NREP: variants seen among roughly 807,000 people sequenced by gnomAD.
NREP encodes the protein neuronal regeneration related protein, also known as neuronal regeneration-related protein.
A neutral mutation model predicts 8.6 loss-of-function variants in NREP; 5 were observed. The ratio of observed to expected loss-of-function variants is 0.58; its 90% CI spans 0.30 to 1.22. NREP has a LOEUF of 1.22. NREP is among the 50% of genes most tolerant of loss of function. The probability of loss-of-function intolerance (pLI) is 0.07; values close to 1 mark genes in which losing one functional copy is unlikely to be tolerated. For synonymous variants in NREP, 27 were observed against 28.0 expected (o/e 0.96, Z 0.11); for missense variants, 86 against 82.5 (o/e 1.04, Z -0.17).
At chr5:111,763,549 T>C (rs1450413682) in intron 2 of NREP, among the ~76,000 whole-genome samples, 1 of 152,184 alleles carries the variant, frequency 6.6e-6, no homozygotes, top group African/African-American at 2.4e-5. Context: ...AACAAAGAGA[T>C]AAACGAAAGG....
chr5:111,802,167 G>C (rs772410476), intron 2 of NREP, among the ~76,000 whole-genome samples: 3 of 152,146 alleles, frequency 2.0e-5, no homozygotes, highest in Non-Finnish European at 2.9e-5. Flanking sequence ...TGTTCAGAGT[G>C]ATCAGAAAGG....
intron 2 of NREP, among the ~76,000 whole-genome samples, chr5:111,880,290 T>C (rs1301173665): frequency 1.3e-5 from 2 of 152,186 alleles, no homozygotes; most frequent in African/African-American, 4.8e-5. Flanking sequence ...TTAAAATGTG[T>C]CTAAGTGGGT....
At chr5:111,973,665 C>G (rs1394302132) in intron 2 of NREP, among the ~76,000 whole-genome samples, 1 of 152,168 alleles carries the variant, frequency 6.6e-6, no homozygotes, top group Non-Finnish European at 1.5e-5. Flanking sequence ...ATCATCATTC[C>G]AGCTCAAGCT....
intron 2 of NREP, among the ~76,000 whole-genome samples, chr5:111,822,488 T>A (rs1297903668): frequency 6.6e-6 from 1 of 152,218 alleles, no homozygotes; most frequent in Non-Finnish European, 1.5e-5. Context: ...CTGAAAGGCT[T>A]ACATGCTAGG....
chr5:111,775,992 A>G (rs1751348335), intron 2 of NREP, among the ~76,000 whole-genome samples: 1 of 152,164 alleles, frequency 6.6e-6, no homozygotes, highest in Non-Finnish European at 1.5e-5. Flanking sequence ...AAAACTATAA[A>G]AAACCATAAA....
intron 2 of NREP, among the ~76,000 whole-genome samples, chr5:111,955,191 GT>G (rs1395311465): frequency 6.6e-6 from 1 of 152,130 alleles, no homozygotes; most frequent in African/African-American, 2.4e-5. Context: ...AGCTCTCAGA[GT>G]TTCCTTCTCT....
At chr5:111,859,484 T>C (rs948592409) in intron 2 of NREP, among the ~76,000 whole-genome samples, 9 of 151,984 alleles carry the variant, frequency 5.9e-5, no homozygotes, top group African/African-American at 2.2e-4. Context: ...TCCCATAAGA[T>C]CTCCTCTGGC....
At chr5:111,778,929 T>C (rs749179804) in intron 2 of NREP, among the ~76,000 whole-genome samples, 14 of 152,074 alleles carry the variant, frequency 9.2e-5, no homozygotes, top group Admixed American at 9.2e-4. Flanking sequence ...AGTACTAAAG[T>C]ATGTTTTATT....
intron 2 of NREP, among the ~76,000 whole-genome samples, 159 bp from the exon 3 acceptor site, chr5:111,735,666 T>G (rs956917160): frequency 6.6e-6 from 1 of 152,240 alleles, no homozygotes; most frequent in Non-Finnish European, 1.5e-5. Flanking sequence ...AAACTGTTAG[T>G]GTGCTTCTGA....
intron 2 of NREP, among the ~76,000 whole-genome samples, chr5:111,792,417 G>A (rs1165958228): frequency 6.6e-6 from 1 of 152,174 alleles, no homozygotes; most frequent in African/African-American, 2.4e-5. Context: ...TTTAATATAT[G>A]TTTTGTTATC....
intron 2 of NREP, among the ~76,000 whole-genome samples, chr5:111,951,227 A>AGCACT (rs555899768): frequency 8.5e-5 from 13 of 152,256 alleles, no homozygotes; most frequent in African/African-American, 2.9e-4. Context: ...ATTATGCTAT[A>AGCACT]GCACTGCACT....
chr5:111,894,253 T>A (rs1289342447), intron 2 of NREP, among the ~76,000 whole-genome samples: 2 of 151,926 alleles, frequency 1.3e-5, no homozygotes, highest in Non-Finnish European at 2.9e-5. Flanking sequence ...TAATAATAAA[T>A]TTTTCCAACA....
intron 2 of NREP, among the ~76,000 whole-genome samples, chr5:111,842,296 A>G (rs1193893470): frequency 1.3e-5 from 2 of 152,170 alleles, no homozygotes; most frequent in Non-Finnish European, 2.9e-5. Context: ...GAGACAATGT[A>G]GTTTGTAACT....
chr5:111,969,193 G>A (rs184389186), intron 2 of NREP, among the ~76,000 whole-genome samples: 7 of 152,296 alleles, frequency 4.6e-5, no homozygotes, highest in East Asian at 1.9e-4. Flanking sequence ...TCAATGACAC[G>A]GTTAAAAATA....
At chr5:111,919,122 T>TCTTTTTCTC (rs1755151871) in intron 2 of NREP, among the ~76,000 whole-genome samples, 4 of 151,158 alleles carry the variant, frequency 2.6e-5, no homozygotes, top group Non-Finnish European at 5.9e-5. Flanking sequence ...CCAAAAAACA[T>TCTTTTTCTC]ATGAGAAAAA....
At chr5:111,729,273 G>T (rs971006003), downstream of NREP, 1 of 152,242 alleles carries the variant, frequency 6.6e-6, no homozygotes, top group African/African-American at 2.4e-5. Flanking sequence ...TCAAAACTAG[G>T]CCTCTTCAAT....
rs1389795704 is a variant in NREP, at chr5:111,734,481, AC to A, written c.81+948del. On this transcript the variant is annotated intron_variant, in intron 3 of 3. Coordinates refer to ENST00000257435, the MANE Select transcript of NREP (RefSeq NM_004772.4). ...TTTCCTGCCAGTGATTTCAACCTTG[AC>A]CTTCAAAAATGCTCTGCAAGATTAA... 30 of 372,372 alleles carry A rather than the reference AC, an allele frequency of 8.1e-5. 1 individual carries two copies. Among genetic ancestry groups the A allele is most frequent in the Non-Finnish European group, 2.4e-5 (5 of 207,190 alleles). The allele number at this position is 372,372 out of a possible 1,614,324, so 23.1% of individuals were successfully genotyped here.
intron 2 of NREP, among the ~76,000 whole-genome samples, chr5:111,870,336 G>A (rs1453831039): frequency 6.6e-6 from 1 of 152,138 alleles, no homozygotes; most frequent in Non-Finnish European, 1.5e-5. Context: ...GGCTGAGGAA[G>A]GAGAATCACT....
At chr5:111,791,608 G>A (rs1025107311) in intron 2 of NREP, among the ~76,000 whole-genome samples, 1 of 152,082 alleles carries the variant, frequency 6.6e-6, no homozygotes, top group Non-Finnish European at 1.5e-5. Context: ...CTCCCGAGTA[G>A]CTGGGACTAT....
Sources: gnomAD v4.1 joint callset for allele counts (sites outside exome capture counted in the v4.1 genomes callset) on GRCh38, gnomAD v4.1.1 for gene constraint, MANE v1.5 for transcripts, NCBI Gene and HGNC (gene_info 2026-07-23, HGNC 2026-07-21) for gene names.